Variants in ZKSCAN7 observed in about 807,000 individuals in gnomAD.
ZKSCAN7 encodes the protein zinc finger with KRAB and SCAN domains 7.
Under a neutral mutation model 65.3 loss-of-function variants are expected in ZKSCAN7, and 38 were observed. The ratio of observed to expected loss-of-function variants is 0.58; its 90% CI spans 0.45 to 0.76. The LOEUF (loss-of-function observed/expected upper bound fraction) is 0.76. ZKSCAN7 is among the 30% of genes least tolerant of loss of function. The probability of loss-of-function intolerance (pLI) is 0.00; values close to 1 mark genes in which losing one functional copy is unlikely to be tolerated. For missense variants in ZKSCAN7, 815 were observed against 913.3 expected (o/e 0.89, Z 1.39); for synonymous variants, 321 against 321.0 (o/e 1.00, Z 0.00).
rs1328122302 is a variant in ZKSCAN7 at position 44,557,325 on chromosome 3, T to C, written c.278T>C (p.Ile93Thr). 6.2e-7 allele frequency: 1 copy of C among 1,614,262 alleles called. No individual in the cohort carries two copies. The highest frequency in any genetic ancestry group is 1.7e-5 in the Admixed American group (1 of 60,024). Residue 93 changes from isoleucine (I) to threonine (T), a missense_variant, in exon 2 of 6, where the codon ATC becomes ACC. Ile to Thr is a moderately conservative substitution (Grantham distance 89, BLOSUM62 -1). This residue lies in a region of ZKSCAN7 where 227 missense variants were observed against 253.3 expected (regional missense o/e 0.90). Transcript: ENST00000426540. The part of the protein sequence containing the change: ...LMPEVHTKEQ[I>T]LELLVLEQFL... ...CCAGAGGTGCACACCAAGGAGCAGATCCTGGAGCTGCTGGTGCTTGAGCAG... is the reference window on the plus strand; with the variant it reads ...CCAGAGGTGCACACCAAGGAGCAGACCCTGGAGCTGCTGGTGCTTGAGCAG...
At chr3:44,575,259 G>A (rs1432561701), downstream of ZKSCAN7, among the ~76,000 whole-genome samples, 1 of 152,218 alleles carries the variant, frequency 6.6e-6, no homozygotes, top group African/African-American at 2.4e-5. Context: ...TTGCACCACT[G>A]CAATCTAGCC....
intron 2 of ZKSCAN7, among the ~76,000 whole-genome samples, chr3:44,564,869 C>T (rs780784384): frequency 8.5e-5 from 13 of 152,146 alleles, no homozygotes; most frequent in South Asian, 8.3e-4. Context: ...GGCGTGATCT[C>T]GGCTCCCTGC....
At chr3:44,582,907 CGTGTGTGTGTGTGTGTGTGTGT>C (rs4016043) in intron 5 of ZKSCAN7, 6 of 354,292 alleles carry the variant, frequency 1.7e-5, no homozygotes, top group Admixed American at 6.8e-5. Context: ...CATGAATATT[CGTGTGTGTGTGTGTGTGTGTGT>C]GTGTGTGTGT....
intron 5 of ZKSCAN7, chr3:44,580,592 G>A: frequency 5.0e-6 from 8 of 1,613,904 alleles, no homozygotes; most frequent in Non-Finnish European, 6.8e-6. Flanking sequence ...GATAGACCAT[G>A]AGCATCTCCA....
downstream of ZKSCAN7, among the ~76,000 whole-genome samples, chr3:44,572,716 G>T (rs1247855492): frequency 6.6e-6 from 1 of 151,352 alleles, no homozygotes; most frequent in Non-Finnish European, 1.5e-5. Flanking sequence ...CAGGCGTGGT[G>T]GGGGGCGCCT....
At chr3:44,581,561 G>A (rs181838133) in intron 5 of ZKSCAN7, among the ~76,000 whole-genome samples, 148 of 152,294 alleles carry the variant, frequency 9.7e-4, no homozygotes, top group Non-Finnish European at 1.9e-3. Flanking sequence ...TATTCCTGAA[G>A]TGGAAAAGTT....
Position 44,570,678 on chromosome 3 carries a change from A to C in ZKSCAN7, c.1568A>C (p.Tyr523Ser). ...HQVLHTGKKP[Y>S]KCNECGRAFC... ...GTCCTGCACACTGGTAAGAAACCTT[A>C]CAAATGCAATGAGTGTGGGAGAGCA... Residue 523 changes from tyrosine (Y) to serine (S), a missense_variant, in exon 6 of 6, where the codon TAC becomes TCC. Physicochemically the swap from Tyr to Ser is moderately radical, Grantham distance 144. Coordinates refer to ENST00000426540, the MANE Select transcript of ZKSCAN7 (RefSeq NM_001288590.2). The C allele has an allele frequency of 6.2e-7, 1 of 1,614,164 alleles. No homozygotes were observed. The highest frequency in any genetic ancestry group is 8.5e-7 in the Non-Finnish European group (1 of 1,180,012).
Position 44,579,126 on chromosome 3 carries a change from C to T in ZKSCAN7, c.812-3846C>T, listed in dbSNP as rs202181018. 3.4e-4 allele frequency among the ~76,000 whole-genome samples: 52 copies of T among 151,996 alleles called. 1 individual carries two copies. The South Asian group carries it at 0.011, about 31-fold the overall frequency. ...GTCTCCACCTGATGCCACCGCTGCT[C>T]GATCTCCACGTGGACGTTATGCGTC... On this transcript the variant is annotated intron_variant, in intron 5 of 5. Transcript: ENST00000341840.
In ZKSCAN7 at chr3:44,568,022, G is replaced by A; in HGVS notation, c.684+19G>A. On this transcript the variant is annotated intron_variant, in intron 4 of 5. Transcript: ENST00000426540. ...GCCCCAGGTGAGCTTGGTTCTTTGT[G>A]TTTTTACCAAGTCCCCATGAGTCTG... is the stretch of plus-strand genomic sequence containing the variant. The A allele has an allele frequency of 1.6e-6, 2 of 1,268,450 alleles. No homozygotes were observed. The highest frequency in any genetic ancestry group is 2.2e-6 in the Non-Finnish European group (2 of 910,234). The allele number at this position is 1,268,450 out of a possible 1,614,324, so 78.6% of individuals were successfully genotyped here. A position where few individuals can be genotyped will look rare whatever the true frequency, so the allele number is the denominator to read the frequency against.
At position 44,570,204 on chromosome 3, in the gene ZKSCAN7, C is replaced by T. The variant is rs543066060; in HGVS notation, c.1094C>T (p.Pro365Leu). The change falls in exon 6 of 6, where the codon CCT (proline) becomes CTT (leucine). Residue 365 changes from proline to leucine, a missense_variant. Transcript: ENST00000426540. ...TATAAGGAAGTTGGGGAACATCCAC[C>T]TCTGTCTTCCAGTCCTGTTGAACAT... ...DKYKEVGEHP[P>L]LSSSPVEHEG... is the part of the protein sequence containing the mutation. The T allele has an allele frequency of 3.7e-6, 6 of 1,614,216 alleles. No homozygotes were observed. Among genetic ancestry groups the T allele is most frequent in the Admixed American group, 3.3e-5 (2 of 60,030 alleles).
Position 44,569,950 on chromosome 3 carries a change from G to A in ZKSCAN7, c.840G>A (p.Glu280=). The change falls in exon 6 of 6, where the codon GAG becomes GAA. Residue 280 remains glutamate, a synonymous_variant. Coordinates refer to ENST00000426540, the MANE Select transcript of ZKSCAN7 (RefSeq NM_001288590.2). ...GTGAGAACATGATGAAGGGTTCAGA[G>A]TTGACTCCAAAGCAGGAATTTTTTA... ...LAGENMMKGS[E]LTPKQEFFKG... 6.4e-7 allele frequency: 1 copy of A among 1,560,654 alleles called. No homozygotes were observed. Among genetic ancestry groups the A allele is most frequent in the Non-Finnish European group, 8.6e-7 (1 of 1,158,160 alleles).
At position 44,571,833 on chromosome 3, in the gene ZKSCAN7, C is replaced by A; in HGVS notation, c.*458C>A. 1.0e-6 allele frequency: 1 copy of A among 990,340 alleles called. No homozygotes were observed. The highest frequency in any genetic ancestry group is 4.6e-5 in the South Asian group (1 of 21,736). The allele number at this position is 990,340 out of a possible 1,614,324, so 61.3% of individuals were successfully genotyped here. ...TAAACTTTAATCTATAACTTTTCAT[C>A]AGTTTTGTTCCCTATCTAGAAAACA... On this transcript the variant is annotated 3_prime_UTR_variant, in exon 6 of 6. Coordinates refer to ENST00000426540, the MANE Select transcript of ZKSCAN7 (RefSeq NM_001288590.2).
At chr3:44,578,549 T>C (rs1358592394) in intron 5 of ZKSCAN7, among the ~76,000 whole-genome samples, 3 of 152,230 alleles carry the variant, frequency 2.0e-5, no homozygotes, top group African/African-American at 7.2e-5. Flanking sequence ...CAGGCACTTC[T>C]GCGAGTACTG....
At position 44,569,993 on chromosome 3, in the gene ZKSCAN7, A is replaced by G; in HGVS notation, c.883A>G (p.Asn295Asp). Residue 295 changes from asparagine to aspartate, a missense_variant, in exon 6 of 6, where the codon AAC (asparagine) becomes GAC (aspartate). By Grantham distance (23) the Asn-to-Asp change is conservative. This residue lies in a region of ZKSCAN7 where 578 missense variants were observed against 629.5 expected (regional missense o/e 0.92). Transcript: ENST00000426540. The part of the protein sequence containing the change: ...QEFFKGSESS[N>D]RTSGGLFGVV... ...ATTTTTTAAAGGATCAGAGTCATCT[A>G]ACAGGACATCAGGGGGACTCTTTGG... 2.5e-6 allele frequency: 4 copies of G among 1,607,600 alleles called. No homozygotes were observed. The highest frequency in any genetic ancestry group is 2.2e-5 in the East Asian group (1 of 44,840).
intron 5 of ZKSCAN7, among the ~76,000 whole-genome samples, chr3:44,578,729 A>G (rs1042847512): frequency 4.6e-5 from 7 of 151,900 alleles, no homozygotes; most frequent in African/African-American, 1.7e-4. Flanking sequence ...GATGGCTGAG[A>G]TGGTGGCCGC....
At position 44,572,092 on chromosome 3, in the gene ZKSCAN7, A is replaced by G; in HGVS notation, c.*717A>G. On this transcript the variant is annotated 3_prime_UTR_variant, in exon 6 of 6. Coordinates refer to ENST00000426540, the MANE Select transcript of ZKSCAN7 (RefSeq NM_001288590.2). The stretch of plus-strand genomic sequence containing the variant: ...GTAGGCTCTTTGAGGTCAGGTATGT[A>G]TTTCTTTCCCATATAGATAGTATTT... The G allele has an allele frequency of 1.0e-6, 1 of 984,300 alleles. No homozygotes were observed. The highest frequency in any genetic ancestry group is 1.2e-6 in the Non-Finnish European group (1 of 828,940). The allele number at this position is 984,300 out of a possible 1,614,324, so 61.0% of individuals were successfully genotyped here. A position where few individuals can be genotyped will look rare whatever the true frequency, so the allele number is the denominator to read the frequency against.
At chr3:44,559,931 C>T (rs1486230864) in intron 2 of ZKSCAN7, among the ~76,000 whole-genome samples, 1 of 152,232 alleles carries the variant, frequency 6.6e-6, no homozygotes, top group African/African-American at 2.4e-5. Context: ...CCAGCCATGG[C>T]AATGACAGGT....
downstream of ZKSCAN7, among the ~76,000 whole-genome samples, chr3:44,575,634 A>G (rs1699908011): frequency 1.3e-5 from 2 of 152,234 alleles, no homozygotes; most frequent in African/African-American, 2.4e-5. Context: ...CTGGAGTGCA[A>G]TGGCACGATC....
Position 44,557,283 on chromosome 3 carries a change from G to T in ZKSCAN7, c.236G>T (p.Cys79Phe). Reference protein sequence around the residue: ...QEALSRLRELCRWWLMPEVHT... With the variant: ...QEALSRLRELFRWWLMPEVHT... ...GCATTGAGCCGGCTTCGGGAGCTCTGCCGCTGGTGGCTCATGCCAGAGGTG... is the reference window on the plus strand; with the variant it reads ...GCATTGAGCCGGCTTCGGGAGCTCTTCCGCTGGTGGCTCATGCCAGAGGTG... Residue 79 changes from cysteine (C) to phenylalanine (F), a missense_variant, in exon 2 of 6, where the codon TGC (cysteine) becomes TTC (phenylalanine). Around this residue, in one of 3 missense-constraint regions of ZKSCAN7, gnomAD observed 227 missense variants for 253.3 expected, o/e 0.90. Coordinates refer to ENST00000426540, the MANE Select transcript of ZKSCAN7 (RefSeq NM_001288590.2). 6.2e-7 allele frequency: 1 copy of T among 1,614,282 alleles called. No individual in the cohort carries two copies. Among genetic ancestry groups the T allele is most frequent in the Non-Finnish European group, 8.5e-7 (1 of 1,180,058 alleles).
Sources: gnomAD v4.1 joint callset for allele counts (sites outside exome capture counted in the v4.1 genomes callset) on GRCh38, gnomAD v4.1.1 for gene constraint, gnomAD v4.1.1 regional missense constraint, MANE v1.5 for transcripts, NCBI Gene and HGNC (gene_info 2026-07-23, HGNC 2026-07-21) for gene names.